The following ACTR3C variants were observed in gnomAD, a reference collection of about 807,000 sequenced individuals.
ACTR3C encodes the protein actin related protein 3C, also known as actin-related protein 3C.
In ACTR3C, 18 loss-of-function variants were observed where a neutral mutation model predicts 26.3. That is an observed-to-expected ratio of 0.68 (90% CI 0.47 to 1.01). The LOEUF is 1.01. Among genes scored for constraint, ACTR3C ranks in the 50% least tolerant of loss-of-function variants. The pLI, the probability that ACTR3C is intolerant of heterozygous loss-of-function variation, is 0.00. For missense variants in ACTR3C, 184 were observed against 250.7 expected (o/e 0.73, Z 1.80); for synonymous variants, 55 against 94.5 (o/e 0.58, Z 2.42).
the ACTR3C span, among the ~76,000 whole-genome samples, chr7:149,966,814 A>G: frequency 6.6e-6 from 1 of 151,712 alleles, no homozygotes; most frequent in East Asian, 1.9e-4. Context: ...TTAAGCTTCC[A>G]TGTCCTCTTT....
the ACTR3C span, among the ~76,000 whole-genome samples, chr7:150,034,888 C>G: frequency 5.1e-4 from 74 of 145,364 alleles, no homozygotes; most frequent in African/African-American, 1.7e-3. Flanking sequence ...TCAGTCCCTA[C>G]CTCGCGGGGG....
At chr7:149,943,551 A>C in the ACTR3C span, among the ~76,000 whole-genome samples, 62 of 151,484 alleles carry the variant, frequency 4.1e-4, 1 homozygote, top group Admixed American at 4.1e-3. Flanking sequence ...ACATGGTGAA[A>C]CCCGGTCTCT....
the ACTR3C span, among the ~76,000 whole-genome samples, chr7:150,208,679 A>G: frequency 7.2e-5 from 11 of 152,204 alleles, no homozygotes; most frequent in African/African-American, 2.4e-4. Context: ...TGAGTACCAG[A>G]AAAATAGCTC....
the ACTR3C span, among the ~76,000 whole-genome samples, chr7:149,975,692 A>G: frequency 1.3e-5 from 2 of 152,236 alleles, no homozygotes; most frequent in Non-Finnish European, 2.9e-5. Context: ...TCACAGTTCC[A>G]CATGGCTGGG....
At chr7:150,175,148 A>G in the ACTR3C span, among the ~76,000 whole-genome samples, 1 of 147,326 alleles carries the variant, frequency 6.8e-6, no homozygotes, top group South Asian at 2.1e-4. Context: ...AAGTTTATAA[A>G]TAAGAGTAGT....
chr7:150,203,257 G>A, the ACTR3C span, among the ~76,000 whole-genome samples: 5 of 152,284 alleles, frequency 3.3e-5, no homozygotes, highest in Admixed American at 6.5e-5. Flanking sequence ...AACAGGGGGA[G>A]GATTTTATTG....
At chr7:150,192,664 T>C in the ACTR3C span, among the ~76,000 whole-genome samples, 1 of 152,204 alleles carries the variant, frequency 6.6e-6, no homozygotes, top group Non-Finnish European at 1.5e-5. Context: ...GAAGTTTCCT[T>C]TTTGGAAGAA....
chr7:150,163,646 G>T, the ACTR3C span, among the ~76,000 whole-genome samples: 97 of 151,948 alleles, frequency 6.4e-4, 2 homozygotes, highest in Non-Finnish European at 1.6e-4. Flanking sequence ...GACTGAAGAG[G>T]CAGGAAAGCC....
At chr7:150,066,101 A>C in the ACTR3C span, among the ~76,000 whole-genome samples, 8 of 152,218 alleles carry the variant, frequency 5.3e-5, no homozygotes, top group Admixed American at 5.2e-4. Context: ...TGTTATCTTA[A>C]GTCAAAAGTA....
the ACTR3C span, among the ~76,000 whole-genome samples, chr7:149,968,854 G>A: frequency 6.6e-6 from 1 of 152,160 alleles, no homozygotes; most frequent in Non-Finnish European, 1.5e-5. Context: ...CCTGTTGGGG[G>A]TAAGGTAAAC....
At chr7:149,991,154 G>T in the ACTR3C span, among the ~76,000 whole-genome samples, 3 of 152,206 alleles carry the variant, frequency 2.0e-5, no homozygotes, top group Non-Finnish European at 4.4e-5. Flanking sequence ...GACAGCAAGT[G>T]CAGGGGAACT....
At chr7:150,239,530 C>CTATATATATA (rs1453473171), downstream of ACTR3C, among the ~76,000 whole-genome samples, 1 of 122,568 alleles carries the variant, frequency 8.2e-6, no homozygotes, top group Non-Finnish European at 1.6e-5. Context: ...CTCTCTCTCT[C>CTATATATATA]TCTCTCTCTC....
the ACTR3C span, among the ~76,000 whole-genome samples, chr7:149,948,461 G>C: frequency 6.6e-6 from 1 of 150,990 alleles, no homozygotes; most frequent in Non-Finnish European, 1.5e-5. Context: ...TCACACGTCA[G>C]AAAGCAGCAG....
the ACTR3C span, among the ~76,000 whole-genome samples, chr7:150,063,267 A>G: frequency 1.3e-5 from 2 of 150,840 alleles, no homozygotes; most frequent in Admixed American, 6.6e-5. Flanking sequence ...TATTTGCTCA[A>G]AGGGCTAACA....
At chr7:149,893,413 C>CTAA in the ACTR3C span, among the ~76,000 whole-genome samples, 6 of 152,266 alleles carry the variant, frequency 3.9e-5, no homozygotes, top group South Asian at 1.0e-3. Context: ...ATGTCAATAA[C>CTAA]TAATAATAAT....
At chr7:150,003,078 G>A in the ACTR3C span, 5 of 152,280 alleles carry the variant, frequency 3.3e-5, no homozygotes, top group African/African-American at 1.2e-4. Flanking sequence ...AAGAAGTTGA[G>A]GTAGGGAGAT....
the ACTR3C span, among the ~76,000 whole-genome samples, chr7:150,173,331 G>A: frequency 6.1e-5 from 9 of 146,906 alleles, no homozygotes; most frequent in Admixed American, 6.6e-5. Context: ...CCATGTGGAA[G>A]CTGCCAAGGC....
chr7:150,256,285 A>C (rs571551110), intron 6 of ACTR3C, among the ~76,000 whole-genome samples: 7 of 152,368 alleles, frequency 4.6e-5, no homozygotes, highest in African/African-American at 7.2e-5. Context: ...TTGGGTATAC[A>C]CCCAGTAATG....
chr7:150,283,301 G>T (rs1835496389), intron 6 of ACTR3C, among the ~76,000 whole-genome samples: 1 of 150,084 alleles, frequency 6.7e-6, no homozygotes, highest in Admixed American at 6.6e-5. Context: ...GACATGACCC[G>T]CTAGCTTTCT....
Sources: allele counts gnomAD v4.1 joint callset (sites outside exome capture counted in the v4.1 genomes callset), GRCh38; gene constraint gnomAD v4.1.1; transcripts MANE v1.5; gene names NCBI Gene and HGNC (gene_info 2026-07-23, HGNC 2026-07-21).